The following SLIT3 variants were observed in gnomAD, a reference collection of about 807,000 sequenced individuals.
SLIT3 encodes the protein slit homolog 3 protein.
A neutral mutation model predicts 184.0 loss-of-function variants in SLIT3; 68 were observed. The observed-to-expected ratio is 0.37, with a 90% CI of 0.30 to 0.45. SLIT3 has a LOEUF of 0.45. SLIT3 is among the 20% of genes least tolerant of loss of function. The probability of loss-of-function intolerance (pLI) is 1.00; values close to 1 mark genes in which losing one functional copy is unlikely to be tolerated. For synonymous variants in SLIT3, 831 were observed against 828.6 expected (o/e 1.00, Z -0.05); for missense variants, 1,707 against 2,026.0 (o/e 0.84, Z 3.02).
At chr5:169,167,201 A>T (rs1467858611) in intron 4 of SLIT3, among the ~76,000 whole-genome samples, 2 of 151,510 alleles carry the variant, frequency 1.3e-5, no homozygotes, top group African/African-American at 4.9e-5. Flanking sequence ...AAACAAAACA[A>T]AAAAAACCGA....
At chr5:169,169,501 A>G (rs1762751820) in intron 4 of SLIT3, among the ~76,000 whole-genome samples, 1 of 152,246 alleles carries the variant, frequency 6.6e-6, no homozygotes, top group South Asian at 2.1e-4. Flanking sequence ...GGTTTCTCCC[A>G]GCCTTTCCAT....
intron 16 of SLIT3, among the ~76,000 whole-genome samples, chr5:168,755,929 G>C (rs1754932065): frequency 1.3e-5 from 2 of 152,160 alleles, no homozygotes; most frequent in South Asian, 4.1e-4. Flanking sequence ...CAAAATGCCT[G>C]GCCCTGGAAA....
chr5:169,258,286 T>A (rs1326264022), intron 1 of SLIT3, among the ~76,000 whole-genome samples: 3 of 152,206 alleles, frequency 2.0e-5, no homozygotes, highest in Non-Finnish European at 4.4e-5. Flanking sequence ...ATCCACTGAA[T>A]TTTTTAAAAG....
chr5:169,100,878 T>C (rs1286788749), intron 4 of SLIT3, among the ~76,000 whole-genome samples: 2 of 152,194 alleles, frequency 1.3e-5, no homozygotes, highest in Admixed American at 6.5e-5. Flanking sequence ...GAAAATCCCA[T>C]GTGTCAACAA....
intron 4 of SLIT3, among the ~76,000 whole-genome samples, chr5:168,945,542 C>A (rs1162687856): frequency 6.6e-6 from 1 of 152,202 alleles, no homozygotes; most frequent in African/African-American, 2.4e-5. Flanking sequence ...GGCCCAGTAT[C>A]CGGTCTTAGG....
At chr5:169,074,721 A>G (rs1480577728) in intron 4 of SLIT3, among the ~76,000 whole-genome samples, 1 of 152,198 alleles carries the variant, frequency 6.6e-6, no homozygotes. Context: ...GTTTGGATCT[A>G]GGGTGAACAT....
chr5:169,190,117 T>A (rs571639319), intron 4 of SLIT3, among the ~76,000 whole-genome samples: 1 of 152,290 alleles, frequency 6.6e-6, no homozygotes, highest in Non-Finnish European at 1.5e-5. Flanking sequence ...GAGGACACCA[T>A]CTCATTAGCA....
chr5:168,738,801 G>A (rs918794982), intron 20 of SLIT3, among the ~76,000 whole-genome samples: 1 of 152,020 alleles, frequency 6.6e-6, no homozygotes, highest in Non-Finnish European at 1.5e-5. Context: ...AGCCGGGCGC[G>A]GTGGCGGGCG....
chr5:168,877,703 G>A (rs1321875918), intron 5 of SLIT3, among the ~76,000 whole-genome samples: 2 of 152,182 alleles, frequency 1.3e-5, no homozygotes, highest in Admixed American at 1.3e-4. Context: ...TGCCTGCCCA[G>A]CTTTGTTTTC....
intron 4 of SLIT3, among the ~76,000 whole-genome samples, chr5:169,163,101 T>A (rs533508381): frequency 1.3e-5 from 2 of 152,034 alleles, no homozygotes; most frequent in East Asian, 3.9e-4. Context: ...GGTGGGTGGA[T>A]CATGAGGTCA....
At position 168,789,547 on chromosome 5, in the gene SLIT3, G is replaced by C. The variant is rs780289130; in HGVS notation, c.1079+13C>G. On this transcript the variant is annotated intron_variant, in intron 11 of 35. Transcript: ENST00000519560. Reference sequence around the variant, plus strand: ...CTCCCCTCACCTCAGGCCCCAACTCGGGCCCCACTTACAGCGATGTGAGTG... The same window carrying C: ...CTCCCCTCACCTCAGGCCCCAACTCCGGCCCCACTTACAGCGATGTGAGTG... 8.1e-6 allele frequency: 13 copies of C among 1,608,748 alleles called. No individual in the cohort carries two copies. The highest frequency in any genetic ancestry group is 1.1e-5 in the Non-Finnish European group (13 of 1,176,736).
chr5:169,228,721 C>G (rs1288729423), intron 3 of SLIT3, among the ~76,000 whole-genome samples: 1 of 152,258 alleles, frequency 6.6e-6, no homozygotes, highest in African/African-American at 2.4e-5. Flanking sequence ...CCTTCATTTT[C>G]CTGCTCTGAA....
At chr5:169,070,749 T>C (rs936332671) in intron 4 of SLIT3, among the ~76,000 whole-genome samples, 8 of 145,722 alleles carry the variant, frequency 5.5e-5, no homozygotes, top group African/African-American at 1.6e-4. Context: ...TTGAATTCCA[T>C]AGTGCTGTCT....
intron 4 of SLIT3, among the ~76,000 whole-genome samples, chr5:168,927,493 T>C (rs1041825822): frequency 2.0e-5 from 3 of 152,200 alleles, no homozygotes; most frequent in African/African-American, 7.2e-5. Flanking sequence ...TTAAAGATGA[T>C]TAAGATAGTA....
chr5:169,109,844 G>A (rs1235907537), intron 4 of SLIT3, among the ~76,000 whole-genome samples: 2 of 152,204 alleles, frequency 1.3e-5, no homozygotes, highest in African/African-American at 4.8e-5. Flanking sequence ...GGCCCTGGCT[G>A]CCTTCTGTTT....
chr5:169,066,349 A>G lies in SLIT3; in HGVS notation c.413+127130T>C, dbSNP rs147235956. ...GAATCCTTCAAAAGATAATCACACC[A>G]AAATTAACATCACAGCCCAAAATGG... On this transcript the variant is annotated intron_variant, in intron 4 of 35. Coordinates refer to ENST00000519560, the MANE Select transcript of SLIT3 (RefSeq NM_003062.4). Among the ~76,000 whole-genome samples, 820 of 152,332 alleles carry G rather than the reference A, an allele frequency of 5.4e-3. 7 individuals carry two copies. The highest frequency in any genetic ancestry group is 0.019 in the African/African-American group (772 of 41,570).
intron 30 of SLIT3, among the ~76,000 whole-genome samples, chr5:168,686,428 C>A (rs540395542): frequency 2.2e-4 from 34 of 152,294 alleles, no homozygotes; most frequent in Non-Finnish European, 3.5e-4. Context: ...TCTGACATAC[C>A]CAACAGCATG....
chr5:168,788,487 T>C (rs1045565443), intron 11 of SLIT3, among the ~76,000 whole-genome samples: 1 of 152,168 alleles, frequency 6.6e-6, no homozygotes, highest in African/African-American at 2.4e-5. Context: ...ATCAAGAGTG[T>C]GGGTTCTGGA....
chr5:168,680,079 C>T (rs1761536206), intron 32 of SLIT3, among the ~76,000 whole-genome samples: 1 of 152,254 alleles, frequency 6.6e-6, no homozygotes, highest in African/African-American at 2.4e-5. Flanking sequence ...TATATTCCCA[C>T]ATGGCAGTGT....
Sources: gnomAD v4.1 joint callset for allele counts (sites outside exome capture counted in the v4.1 genomes callset) on GRCh38, gnomAD v4.1.1 for gene constraint, MANE v1.5 for transcripts, NCBI Gene and HGNC (gene_info 2026-07-23, HGNC 2026-07-21) for gene names.